MTFR1: variants seen among roughly 807,000 people sequenced by gnomAD.
The protein encoded by MTFR1 is chondrocyte protein with a poly-proline region.
A neutral mutation model predicts 38.8 loss-of-function variants in MTFR1; 28 were observed. The observed-to-expected ratio is 0.72, with a 90% CI of 0.53 to 0.99. The LOEUF is 0.99. MTFR1 is among the 50% of genes least tolerant of loss of function. MTFR1 has a pLI of 0.00. For synonymous variants in MTFR1, 145 were observed against 137.0 expected (o/e 1.06, Z -0.41); for missense variants, 358 against 395.5 (o/e 0.91, Z 0.81).
chr8:65,702,494 T>C (rs916511699), intron 4 of MTFR1, among the ~76,000 whole-genome samples: 7 of 152,074 alleles, frequency 4.6e-5, no homozygotes, highest in Non-Finnish European at 5.9e-5. Context: ...GAGATGGGGT[T>C]TCACCATGTT....
rs367744228 is a variant in MTFR1, at chr8:65,695,154, G to A, written c.281+1395G>A. The stretch of plus-strand genomic sequence containing the variant: ...CCAGACCAAGAAATAGACCAACTAG[G>A]AGATGATCAGAATTTAACTGAATTA... On this transcript the variant is annotated intron_variant, in intron 4 of 7. Transcript: ENST00000262146. 2.2e-4 allele frequency among the ~76,000 whole-genome samples: 34 copies of A among 152,244 alleles called. 1 individual carries two copies. The East Asian group carries it at 4.8e-3, about 22-fold the overall frequency.
intron 1 of MTFR1, among the ~76,000 whole-genome samples, chr8:65,665,914 TA>T (rs140610517): frequency 0.19 from 29,205 of 152,210 alleles, 2,959 homozygotes; most frequent in Middle Eastern, 0.23. Context: ...CTTTATGCAT[TA>T]ATCTCTATTA....
rs1023346261 is a variant in MTFR1 at position 65,664,837 on chromosome 8, C to T, written c.-80-5036C>T. ...TCCTAACCTTAGGTGATCTGCCCAC[C>T]TTGGCTTCCAAAAGTGCTGGGATTA... On this transcript the variant is annotated intron_variant, in intron 1 of 7. Transcript: ENST00000262146. Among the ~76,000 whole-genome samples the T allele has an allele frequency of 8.6e-5, 13 of 151,982 alleles. 1 individual carries two copies. The South Asian group carries it at 2.7e-3, about 32-fold the overall frequency.
Position 65,681,619 on chromosome 8 carries a change from C to T in MTFR1, c.67-734C>T, listed in dbSNP as rs1804892046. 2.0e-5 allele frequency among the ~76,000 whole-genome samples: 3 copies of T among 148,986 alleles called. No individual in the cohort carries two copies. The South Asian group carries it at 6.4e-4, about 32-fold the overall frequency. ...ATACTTGGGGAGAAGTTTCAAGGTA[C>T]AATTTATAATGATTTACCTAACATT... On this transcript the variant is annotated intron_variant, in intron 2 of 7. Coordinates refer to ENST00000262146, the MANE Select transcript of MTFR1 (RefSeq NM_014637.4).
rs762061807 is a variant in MTFR1, at chr8:65,693,699, C to A, written c.221C>A (p.Ala74Glu). ...SPSHPGEDAV[A>E]SFADVGWVAK... ...AGCCACCCAGGAGAGGATGCAGTGG[C>A]GTCTTTTGCTGATGTTGGATGGGTA... is the stretch of plus-strand genomic sequence containing the variant. The change falls in exon 4 of 8, where the codon GCG (alanine) becomes GAG (glutamate). Residue 74 changes from alanine to glutamate, a missense_variant. By Grantham distance (107) the Ala-to-Glu change is moderately radical. Coordinates refer to ENST00000262146, the MANE Select transcript of MTFR1 (RefSeq NM_014637.4). 1 of 1,614,086 alleles carries A rather than the reference C, an allele frequency of 6.2e-7. No homozygotes were observed. The highest frequency in any genetic ancestry group is 8.5e-7 in the Non-Finnish European group (1 of 1,180,006).
chr8:65,688,016 C>T (rs886511452), intron 3 of MTFR1, among the ~76,000 whole-genome samples: 8 of 150,032 alleles, frequency 5.3e-5, no homozygotes, highest in African/African-American at 2.0e-4. Context: ...AGGAGAATCG[C>T]TTGAACCTGG....
At chr8:65,664,758 G>A (rs1036506631) in intron 1 of MTFR1, among the ~76,000 whole-genome samples, 25 of 147,282 alleles carry the variant, frequency 1.7e-4, no homozygotes, top group Admixed American at 1.6e-3. Context: ...TACCATACCC[G>A]GCTATTTTTT....
intron 4 of MTFR1, among the ~76,000 whole-genome samples, chr8:65,703,737 TTTG>T (rs930942919): frequency 2.4e-4 from 37 of 152,078 alleles, no homozygotes; most frequent in Non-Finnish European, 1.6e-4. Flanking sequence ...ACCTGGCCTC[TTTG>T]TTATTTTTGT....
chr8:65,754,748 C>T (rs1247547460), intron 3 of MTFR1, among the ~76,000 whole-genome samples: 4 of 150,338 alleles, frequency 2.7e-5, no homozygotes, highest in East Asian at 2.1e-4. Flanking sequence ...GAGTGGATCA[C>T]GAGGTCAAGA....
chr8:65,758,076 C>G (rs1019497610), intron 3 of MTFR1, among the ~76,000 whole-genome samples: 1 of 152,226 alleles, frequency 6.6e-6, no homozygotes, highest in Admixed American at 6.5e-5. Flanking sequence ...GGTCTCTGTG[C>G]TAGTCCAGAT....
chr8:65,731,049 C>G (rs560213439), intron 3 of MTFR1, among the ~76,000 whole-genome samples: 1 of 152,294 alleles, frequency 6.6e-6, no homozygotes, highest in South Asian at 2.1e-4. Context: ...CTACCATGTG[C>G]TGGTGCTGTT....
chr8:65,734,887 A>G (rs778020366), intron 3 of MTFR1: 1 of 1,599,006 alleles, frequency 6.3e-7, no homozygotes, highest in Admixed American at 1.7e-5. Flanking sequence ...AATCTTCTTG[A>G]ATCATAACTG....
chr8:65,697,173 C>T (rs556038238), intron 4 of MTFR1, among the ~76,000 whole-genome samples: 1 of 151,790 alleles, frequency 6.6e-6, no homozygotes, highest in African/African-American at 2.4e-5. Flanking sequence ...TTAGTAGAGA[C>T]GGAGTTTCAC....
chr8:65,683,993 T>G (rs1254987503), intron 3 of MTFR1, among the ~76,000 whole-genome samples: 1 of 152,230 alleles, frequency 6.6e-6, no homozygotes, highest in Non-Finnish European at 1.5e-5. Context: ...GATTGTTCAA[T>G]TCCATCAATG....
chr8:65,747,191 T>TAC (rs1212796766), intron 3 of MTFR1, among the ~76,000 whole-genome samples: 179 of 151,872 alleles, frequency 1.2e-3, no homozygotes, highest in Middle Eastern at 0.01. Flanking sequence ...ATGTTATTAA[T>TAC]ACACACACAC....
chr8:65,752,202 A>AT (rs1411670608), intron 3 of MTFR1, among the ~76,000 whole-genome samples: 1 of 151,910 alleles, frequency 6.6e-6, no homozygotes, highest in Non-Finnish European at 1.5e-5. Flanking sequence ...ACCAGAGCAT[A>AT]TTTTTTTCCT....
downstream of MTFR1, among the ~76,000 whole-genome samples, chr8:65,771,535 C>A (rs534420865): frequency 1.3e-5 from 2 of 152,024 alleles, no homozygotes; most frequent in South Asian, 4.2e-4. Context: ...AAGACCTGAC[C>A]CTGGGTAAAG....
chr8:65,775,782 T>C (rs1376076279), downstream of MTFR1, among the ~76,000 whole-genome samples: 1 of 152,144 alleles, frequency 6.6e-6, no homozygotes, highest in African/African-American at 2.4e-5. Flanking sequence ...CACGCACCAC[T>C]GCACCTGGCT....
At chr8:65,744,586 G>A (rs1025256970) in intron 3 of MTFR1, among the ~76,000 whole-genome samples, 2 of 152,094 alleles carry the variant, frequency 1.3e-5, no homozygotes, top group African/African-American at 4.8e-5. Flanking sequence ...ATTCTGATAA[G>A]CGCTCTTAAA....
Sources: gnomAD v4.1 joint callset for allele counts (sites outside exome capture counted in the v4.1 genomes callset) on GRCh38, gnomAD v4.1.1 for gene constraint, MANE v1.5 for transcripts, NCBI Gene and HGNC (gene_info 2026-07-23, HGNC 2026-07-21) for gene names.